The following TMEM61 variants were observed in gnomAD, a reference collection of about 807,000 sequenced individuals.
TMEM61 encodes transmembrane protein 61.
Under a neutral mutation model 12.0 loss-of-function variants are expected in TMEM61, and 13 were observed. The observed-to-expected ratio is 1.08, with a 90% confidence interval of 0.70 to 1.72. The LOEUF (loss-of-function observed/expected upper bound fraction) is 1.72. Ranked by LOEUF, TMEM61 falls within the 40% of genes most tolerant of loss-of-function variation. The probability of loss-of-function intolerance (pLI) is 0.00; values close to 1 mark genes in which losing one functional copy is unlikely to be tolerated. For missense variants in TMEM61, 249 were observed against 276.9 expected (o/e 0.90, Z 0.71); for synonymous variants, 109 against 121.4 (o/e 0.90, Z 0.67).
intron 1 of TMEM61, among the ~76,000 whole-genome samples, chr1:54,981,287 C>G (rs1376755416): frequency 6.6e-6 from 1 of 152,160 alleles, no homozygotes; most frequent in Non-Finnish European, 1.5e-5. Context: ...AATTCTTGTT[C>G]GGACAGTTTC....
In TMEM61 at chr1:54,986,466, G is replaced by A. The variant is rs745695557; in HGVS notation, c.365+20G>A. ...CTGCAGGTCAGCAGGGCGGGGTGTG[G>A]CAGCGGGTGGGGACTGCAGGTAGGG... On this transcript the variant is annotated intron_variant, in intron 2 of 2. Coordinates refer to ENST00000371268, the MANE Select transcript of TMEM61 (RefSeq NM_182532.3). 1.3e-6 allele frequency: 2 copies of A among 1,529,524 alleles called. No individual in the cohort carries two copies. The highest frequency in any genetic ancestry group is 1.3e-5 in the South Asian group (1 of 77,258). 94.7% of individuals were successfully genotyped at this position (1,529,524 alleles called of 1,614,324 possible). A position where few individuals can be genotyped will look rare whatever the true frequency, so the allele number is the denominator to read the frequency against.
chr1:54,983,122 G>GT (rs77100620), intron 1 of TMEM61, among the ~76,000 whole-genome samples: 13 of 124,858 alleles, frequency 1.0e-4, no homozygotes, highest in African/African-American at 1.4e-4. Flanking sequence ...TTTTTTTTTT[G>GT]TTTTTTTTTG....
At position 54,990,824 on chromosome 1, in the gene TMEM61, A is replaced by C. The variant is rs1205185433; in HGVS notation, c.366-1012A>C. On this transcript the variant is annotated intron_variant, in intron 2 of 2. Transcript: ENST00000371268. Reference sequence around the variant, plus strand: ...CACTCTGTCCTGTGAGGCAGGTGCCACTACCATCCCCCATTTTACAGATGA... The same window carrying C: ...CACTCTGTCCTGTGAGGCAGGTGCCCCTACCATCCCCCATTTTACAGATGA... Among the ~76,000 whole-genome samples, 3 of 152,144 alleles carry C rather than the reference A, an allele frequency of 2.0e-5. No individual in the cohort carries two copies. In the South Asian group the frequency reaches 6.2e-4, roughly 32 times the overall value.
chr1:54,985,268 A>T lies in TMEM61; in HGVS notation c.16-829A>T, dbSNP rs565695032. Among the ~76,000 whole-genome samples the T allele has an allele frequency of 9.2e-3, 281 of 30,498 alleles. 2 individuals are homozygous for T. In the Middle Eastern group the frequency reaches 0.17, roughly 18 times the overall value. 20.0% of individuals were successfully genotyped at this position (30,498 alleles called of 152,430 possible). Reference sequence around the variant, plus strand: ...GTGTATGTGTGTGTGACAGAGTCTCACTCTTTTGCCCAGGCTGGAGTGCAG... The same window carrying T: ...GTGTATGTGTGTGTGACAGAGTCTCTCTCTTTTGCCCAGGCTGGAGTGCAG... On this transcript the variant is annotated intron_variant, in intron 1 of 2. Transcript: ENST00000371268.
At position 54,992,082 on chromosome 1, in the gene TMEM61, G is replaced by C. The variant is rs756983866; in HGVS notation, c.612G>C (p.Gln204His). Residue 204 changes from glutamine (Q) to histidine (H), a missense_variant, in exon 3 of 3, where the codon CAG (glutamine) becomes CAC (histidine). Coordinates refer to ENST00000371268, the MANE Select transcript of TMEM61 (RefSeq NM_182532.3). The stretch of plus-strand genomic sequence containing the variant: ...CACGCTCCTGCTCAGGCCTGGTTCA[G>C]ACTGCACGGGGAGGAAGTTAAAGGC... ...SATRSCSGLV[Q>H]TARGGS The C allele has an allele frequency of 3.7e-6, 6 of 1,612,826 alleles. No homozygotes were observed. In the South Asian group the frequency reaches 6.6e-5, roughly 18 times the overall value.
At position 54,992,142 on chromosome 1, in the gene TMEM61, C is replaced by T. The variant is rs2495513; in HGVS notation, c.*39C>T. 1,273,684 of 1,592,510 alleles carry T rather than the reference C, an allele frequency of 0.8. 510,572 individuals are homozygous for T. Among genetic ancestry groups the T allele is most frequent in the Admixed American group, 0.87 (51,829 of 59,516 alleles). Reference sequence around the variant, plus strand: ...GTCCTGAATCCAGAGACAAAAATGCCGTGCCTTCTCCAGAGTCTTATGCAG... The same window carrying T: ...GTCCTGAATCCAGAGACAAAAATGCTGTGCCTTCTCCAGAGTCTTATGCAG... On this transcript the variant is annotated 3_prime_UTR_variant, in exon 3 of 3. Transcript: ENST00000371268.
In TMEM61 at chr1:54,980,634, G is replaced by T. The variant is rs994252202; in HGVS notation, c.-432G>T. On this transcript the variant is annotated 5_prime_UTR_variant, in exon 1 of 3. Transcript: ENST00000371268. Reference sequence around the variant, plus strand: ...GCGGGGCGGGCTGGGCGACAGCGCTGGACACCTGGAGCTGCCCGAGGACGC... The same window carrying T: ...GCGGGGCGGGCTGGGCGACAGCGCTTGACACCTGGAGCTGCCCGAGGACGC... 6.6e-6 allele frequency among the ~76,000 whole-genome samples: 1 copy of T among 152,088 alleles called. No individual in the cohort carries two copies. The highest frequency in any genetic ancestry group is 2.4e-5 in the African/African-American group (1 of 41,424).
chr1:54,986,066 T>C (rs2101634421), intron 1 of TMEM61, 31 bp from the exon 2 acceptor site: 2 of 1,546,580 alleles, frequency 1.3e-6, no homozygotes, highest in African/African-American at 1.4e-5. Context: ...ATATGGCCCA[T>C]TTCCTCTTCT....
At chr1:54,982,926 A>T (rs757885592) in intron 1 of TMEM61, among the ~76,000 whole-genome samples, 1 of 151,992 alleles carries the variant, frequency 6.6e-6, no homozygotes, top group African/African-American at 2.4e-5. Flanking sequence ...GTGAGGGGAC[A>T]CCTGTAAAGT....
chr1:54,986,554 C>G (rs1233573260), intron 2 of TMEM61, 108 bp downstream of exon 2: 1 of 1,019,918 alleles, frequency 9.8e-7, no homozygotes, highest in African/African-American at 1.6e-5. Context: ...TGGGGTTCCT[C>G]CTTTGGATCA....
intron 1 of TMEM61, among the ~76,000 whole-genome samples, chr1:54,985,171 AC>A (rs1302917828): frequency 6.6e-6 from 1 of 152,050 alleles, no homozygotes; most frequent in Non-Finnish European, 1.5e-5. Context: ...ACATTTTAGC[AC>A]TTTCCAAATT....
At chr1:54,985,086 TA>T (rs1298211657) in intron 1 of TMEM61, among the ~76,000 whole-genome samples, 1 of 152,190 alleles carries the variant, frequency 6.6e-6, no homozygotes, top group Non-Finnish European at 1.5e-5. Flanking sequence ...CTTGATTTTT[TA>T]AAAAAATGGG....
In TMEM61 at chr1:54,986,304, G is replaced by A. The variant is rs142661965; in HGVS notation, c.223G>A (p.Gly75Ser). 2.6e-5 allele frequency: 42 copies of A among 1,614,006 alleles called. No individual in the cohort carries two copies. The Middle Eastern group carries it at 6.6e-4, about 25-fold the overall frequency. Residue 75 changes from glycine (G) to serine (S), a missense_variant, in exon 2 of 3, where the codon GGT (glycine) becomes AGT (serine). Transcript: ENST00000371268. ...LLRSVSFVCC[G>S]AGGLLLLIGL... ...CAGGTCCGTCAGCTTCGTCTGCTGC[G>A]GTGCAGGTGGCCTGCTGCTGCTCAT...
chr1:54,986,277 C>T lies in TMEM61; in HGVS notation c.196C>T (p.Leu66Phe), dbSNP rs1270334830. Residue 66 changes from leucine to phenylalanine, a missense_variant, in exon 2 of 3, where the codon CTC becomes TTC. By Grantham distance (22) the Leu-to-Phe change is conservative (BLOSUM62 0). Coordinates refer to ENST00000371268, the MANE Select transcript of TMEM61 (RefSeq NM_182532.3). ...YPVPEGPSPL[L>F]RSVSFVCCGA... ...GGTGCCTGAGGGCCCCAGCCCCCTG[C>T]TCAGGTCCGTCAGCTTCGTCTGCTG... is the stretch of plus-strand genomic sequence containing the variant. 8 of 1,613,864 alleles carry T rather than the reference C, an allele frequency of 5.0e-6. No homozygotes were observed. The highest frequency in any genetic ancestry group is 6.8e-6 in the Non-Finnish European group (8 of 1,180,036).
Position 54,981,008 on chromosome 1 carries a change from A to G in TMEM61, c.-58A>G. On this transcript the variant is annotated 5_prime_UTR_variant, in exon 1 of 3. Transcript: ENST00000371268. ...CAGCCCTGGCGTCCTCCACCACCAC[A>G]CCTTCACCTGCGCCCGGCTCCCTGC... 1.3e-6 allele frequency: 2 copies of G among 1,523,942 alleles called. No individual in the cohort carries two copies. Among genetic ancestry groups the G allele is most frequent in the Non-Finnish European group, 1.8e-6 (2 of 1,132,048 alleles). The allele number at this position is 1,523,942 out of a possible 1,614,324, so 94.4% of individuals were successfully genotyped here.
At position 54,992,257 on chromosome 1, in the gene TMEM61, T is replaced by A. The variant is rs1644305679; in HGVS notation, c.*154T>A. The A allele has an allele frequency of 2.2e-6, 2 of 909,356 alleles. No individual in the cohort carries two copies. The highest frequency in any genetic ancestry group is 5.2e-5 in the East Asian group (2 of 38,826). 56.3% of individuals were successfully genotyped at this position (909,356 alleles called of 1,614,324 possible). A position where few individuals can be genotyped will look rare whatever the true frequency, so the allele number is the denominator to read the frequency against. On this transcript the variant is annotated 3_prime_UTR_variant, in exon 3 of 3. Transcript: ENST00000371268. ...CTGTATAACAAACCACCCCAGAATT[T>A]AGTGGCTTAAAATAAATCCCATTTT...
rs761385381 is a variant in TMEM61 at position 54,991,835 on chromosome 1, G to A, written c.366-1G>A. ...TAACAGCCTCTCTTCTGTTCCTGCA[G>A]GACCCCCAAAGTGGTTGACATCCCC... On this transcript the variant is annotated splice_acceptor_variant, in intron 2 of 2. Coordinates refer to ENST00000371268, the MANE Select transcript of TMEM61 (RefSeq NM_182532.3). LOFTEE classifies it high-confidence loss of function. 4 of 1,613,608 alleles carry A rather than the reference G, an allele frequency of 2.5e-6. No homozygotes were observed. Among genetic ancestry groups the A allele is most frequent in the Non-Finnish European group, 3.4e-6 (4 of 1,179,762 alleles).
Position 54,980,810 on chromosome 1 carries a change from C to A in TMEM61, c.-256C>A, listed in dbSNP as rs536751158. On this transcript the variant is annotated 5_prime_UTR_variant, in exon 1 of 3. Transcript: ENST00000371268. ...GGGGTGAGGCCTGGCTCGGTCCCTG[C>A]GCACCGGGTGCGGGCGGCGGAGAGG... is the stretch of plus-strand genomic sequence containing the variant. The A allele has an allele frequency of 7.5e-3, 2,883 of 382,998 alleles. 70 individuals are homozygous for A. The highest frequency in any genetic ancestry group is 0.054 in the African/African-American group (2,603 of 47,962). 23.7% of individuals were successfully genotyped at this position (382,998 alleles called of 1,614,324 possible).
At chr1:54,984,958 C>T (rs1285867864) in intron 1 of TMEM61, among the ~76,000 whole-genome samples, 1 of 152,112 alleles carries the variant, frequency 6.6e-6, no homozygotes, top group African/African-American at 2.4e-5. Flanking sequence ...CCAGGTTTTT[C>T]CCCCCGTGCA....
Sources: allele counts gnomAD v4.1 joint callset (sites outside exome capture counted in the v4.1 genomes callset), GRCh38; gene constraint gnomAD v4.1.1; transcripts MANE v1.5; gene names NCBI Gene and HGNC (gene_info 2026-07-23, HGNC 2026-07-21).